The following PMP22 variants were observed in gnomAD, a reference collection of about 807,000 sequenced individuals.
The protein encoded by PMP22 is Charcot-Marie-Tooth neuropathy 1A (greatly reduced nerve conduction velocity, hereditary motor sensory neuropathy Ia).
PMP22 carries 2 observed loss-of-function variants against 18.9 expected under a neutral mutation model. That is an observed-to-expected ratio of 0.11 (90% confidence interval 0.04 to 0.33). The LOEUF is 0.33. PMP22 is among the 10% of genes least tolerant of loss of function. The pLI is 1.00. For missense variants in PMP22, 169 were observed against 202.2 expected, an observed-to-expected ratio of 0.84 and a Z score of 1.00; for synonymous variants, 95 against 89.2, an observed-to-expected ratio of 1.07 and a Z score of -0.37.
chr17:15,247,624 C>CTACA (rs1293168650), intron 3 of PMP22, among the ~76,000 whole-genome samples: 1 of 152,170 alleles, frequency 6.6e-6, no homozygotes, highest in Non-Finnish European at 1.5e-5. Context: ...AGCCCAGGGC[C>CTACA]TACAACCTAG....
chr17:15,231,766 T>C (rs1043375431), intron 4 of PMP22, among the ~76,000 whole-genome samples: 9 of 152,214 alleles, frequency 5.9e-5, no homozygotes, highest in Admixed American at 2.6e-4. Flanking sequence ...TCCATTTCCC[T>C]GGGTGCCCCA....
intron 3 of PMP22, among the ~76,000 whole-genome samples, chr17:15,244,449 G>A (rs944890961): frequency 5.3e-5 from 8 of 152,100 alleles, no homozygotes; most frequent in African/African-American, 9.7e-5. Flanking sequence ...CACCTCTAGC[G>A]TAATGACACT....
At chr17:15,259,300 G>T in intron 2 of PMP22, 107 bp from the exon 3 acceptor site, 1 of 837,726 alleles carries the variant, frequency 1.2e-6, no homozygotes. Context: ...CATCCACCTA[G>T]CCACACCGCC....
intron 3 of PMP22, among the ~76,000 whole-genome samples, chr17:15,248,714 G>T (rs1345722675): frequency 6.6e-6 from 1 of 152,182 alleles, no homozygotes; most frequent in Non-Finnish European, 1.5e-5. Flanking sequence ...AGAAAAAGGA[G>T]GGGAGTGCAT....
chr17:15,249,184 A>T (rs1371093744), intron 3 of PMP22, among the ~76,000 whole-genome samples: 1 of 152,094 alleles, frequency 6.6e-6, no homozygotes, highest in African/African-American at 2.4e-5. Flanking sequence ...CTGCAATTCT[A>T]CCCCATTGCC....
chr17:15,235,570 G>T (rs972795417), intron 4 of PMP22, among the ~76,000 whole-genome samples: 1 of 152,076 alleles, frequency 6.6e-6, no homozygotes, highest in African/African-American at 2.4e-5. Flanking sequence ...CTAAGAAGGT[G>T]GTTTAGTTAT....
chr17:15,254,458 A>G (rs1350852158), intron 3 of PMP22, among the ~76,000 whole-genome samples: 5 of 152,098 alleles, frequency 3.3e-5, no homozygotes, highest in Admixed American at 2.6e-4. Flanking sequence ...GTCAAGGCAG[A>G]CTCTAGATGT....
At chr17:15,234,393 C>A (rs974087766) in intron 4 of PMP22, among the ~76,000 whole-genome samples, 2 of 152,146 alleles carry the variant, frequency 1.3e-5, no homozygotes, top group Non-Finnish European at 2.9e-5. Flanking sequence ...GAGCCTGGGG[C>A]AGAAGTCAGA....
chr17:15,234,795 TC>T (rs77195329), intron 4 of PMP22, among the ~76,000 whole-genome samples: 29,127 of 147,928 alleles, frequency 0.2, 5,052 homozygotes, highest in African/African-American at 0.47. Context: ...CTTTTATTAA[TC>T]CCCCCCCACC....
At chr17:15,265,079 G>C (rs1240624114) in intron 1 of PMP22, 75 bp downstream of exon 1, 1 of 152,098 alleles carries the variant, frequency 6.6e-6, no homozygotes, top group Non-Finnish European at 1.5e-5. Context: ...GGCTTGCAGG[G>C]GGTGGGAAAT....
chr17:15,234,016 T>C (rs230945), intron 4 of PMP22, among the ~76,000 whole-genome samples: 103,700 of 152,060 alleles, frequency 0.68, 36,149 homozygotes, highest in African/African-American at 0.83. Flanking sequence ...ACTCTGGCCA[T>C]GGTGCAGAAA....
intron 3 of PMP22, among the ~76,000 whole-genome samples, chr17:15,255,043 A>G (rs1908707104): frequency 6.6e-6 from 1 of 152,184 alleles, no homozygotes; most frequent in Non-Finnish European, 1.5e-5. Flanking sequence ...AAAGTTTCTG[A>G]GAAGAGCCCA....
At chr17:15,252,396 TTGCTGCTGCTGCTGCTGCTGCTGC>T (rs111928632) in intron 3 of PMP22, among the ~76,000 whole-genome samples, 1 of 150,980 alleles carries the variant, frequency 6.6e-6, no homozygotes, top group South Asian at 2.1e-4. Flanking sequence ...GAGTTTGCTG[TTGCTGCTGCTGCTGCTGCTGCTGC>T]TGCTGCTGCT....
chr17:15,242,697 G>C (rs1208334158), intron 3 of PMP22, among the ~76,000 whole-genome samples: 1 of 152,074 alleles, frequency 6.6e-6, no homozygotes, highest in East Asian at 1.9e-4. Context: ...TTACATAAGA[G>C]GATTAACAAA....
At position 15,260,740 on chromosome 17, in the gene PMP22, T is replaced by G; in HGVS notation, c.-13A>C. The G allele has an allele frequency of 6.4e-7, 1 of 1,551,324 alleles. No homozygotes were observed. The highest frequency in any genetic ancestry group is 8.7e-7 in the Non-Finnish European group (1 of 1,146,562). ...ACAGGAGGAGCATTCTGGCGGCAAGTTCTGCTCAGCGGAGTTTCTGCCTGC... is the reference window on the plus strand; with the variant it reads ...ACAGGAGGAGCATTCTGGCGGCAAGGTCTGCTCAGCGGAGTTTCTGCCTGC... On this transcript the variant is annotated 5_prime_UTR_variant, in exon 2 of 5. Transcript: ENST00000312280.
At chr17:15,239,428 G>A (rs769342714) in intron 4 of PMP22, 43 bp downstream of exon 4, 3 of 1,610,334 alleles carry the variant, frequency 1.9e-6, no homozygotes, top group Non-Finnish European at 2.5e-6. Context: ...CGCAGACTTG[G>A]ATGCACCCCG....
intron 3 of PMP22, among the ~76,000 whole-genome samples, chr17:15,244,812 A>G (rs1206154655): frequency 1.3e-5 from 2 of 152,246 alleles, no homozygotes; most frequent in African/African-American, 4.8e-5. Context: ...TCCCCCAGGA[A>G]CTACTGTTGC....
chr17:15,250,187 G>C (rs1184007435), intron 3 of PMP22, among the ~76,000 whole-genome samples: 1 of 152,140 alleles, frequency 6.6e-6, no homozygotes, highest in African/African-American at 2.4e-5. Context: ...CAAAGTGCTG[G>C]GATTATAGGC....
chr17:15,259,232 AG>A, intron 2 of PMP22, 39 bp from the exon 3 acceptor site: 1 of 1,510,462 alleles, frequency 6.6e-7, no homozygotes, highest in East Asian at 2.3e-5. Context: ...TCAGGGAGGG[AG>A]GGAGGAGTGA....
Sources: allele counts gnomAD v4.1 joint callset (sites outside exome capture counted in the v4.1 genomes callset), GRCh38; gene constraint gnomAD v4.1.1; transcripts MANE v1.5; gene names NCBI Gene and HGNC (gene_info 2026-07-23, HGNC 2026-07-21).